Variants in CCDC158 observed in about 807,000 individuals in gnomAD.
CCDC158 encodes coiled-coil domain containing 158.
Under a neutral mutation model 138.6 loss-of-function variants are expected in CCDC158, and 116 were observed. That is an observed-to-expected ratio of 0.84 (90% CI 0.72 to 0.98). The LOEUF (loss-of-function observed/expected upper bound fraction) is 0.98, where lower values mean the gene tolerates loss of function less well. CCDC158 is among the 50% of genes least tolerant of loss of function. CCDC158 has a pLI of 0.00. For synonymous variants in CCDC158, 436 were observed against 442.4 expected, an observed-to-expected ratio of 0.99 and a Z score of 0.18; for missense variants, 1,265 against 1,306.1, an observed-to-expected ratio of 0.97 and a Z score of 0.48.
At chr4:76,321,764 T>TA (rs1560779944) in intron 24 of CCDC158, among the ~76,000 whole-genome samples, 3,728 of 146,046 alleles carry the variant, frequency 0.026, 154 homozygotes, top group African/African-American at 0.088. Flanking sequence ...TATATATTTT[T>TA]TATATATATA....
chr4:76,375,690 A>G (rs191302212), intron 9 of CCDC158: 10 of 696,096 alleles, frequency 1.4e-5, no homozygotes, highest in Admixed American at 8.2e-5. Context: ...GTAAAGGGGA[A>G]TTCTGGAGGT....
At chr4:76,322,483 G>A (rs1365681011) in intron 24 of CCDC158, among the ~76,000 whole-genome samples, 1 of 152,162 alleles carries the variant, frequency 6.6e-6, no homozygotes, top group East Asian at 1.9e-4. Flanking sequence ...CTGAGTAAAA[G>A]GCCTGGCACA....
At chr4:76,336,079 G>A (rs1013312997) in intron 18 of CCDC158, among the ~76,000 whole-genome samples, 1 of 150,690 alleles carries the variant, frequency 6.6e-6, no homozygotes, top group Non-Finnish European at 1.5e-5. Context: ...CTACTTGGGA[G>A]GCTGAGGCAG....
intron 2 of CCDC158, among the ~76,000 whole-genome samples, chr4:76,410,764 A>C (rs1729230262): frequency 6.6e-6 from 1 of 152,230 alleles, no homozygotes; most frequent in Non-Finnish European, 1.5e-5. Context: ...CATGTTGAAC[A>C]GTATTGTACT....
At position 76,367,389 on chromosome 4, in the gene CCDC158, C is replaced by A. The variant is rs765950265; in HGVS notation, c.1735G>T (p.Gly579Cys). 1.2e-6 allele frequency: 2 copies of A among 1,614,212 alleles called. No individual in the cohort carries two copies. The highest frequency in any genetic ancestry group is 2.2e-5 in the South Asian group (2 of 91,084). Residue 579 changes from glycine (G) to cysteine (C), a missense_variant, in exon 12 of 25, where the codon GGC (glycine) becomes TGC (cysteine). Transcript: ENST00000682701. ...GCTCCAGCAGTTCGTCCATGCTGGC[C>A]CACCAGCTGTGTCATGTTCTCAATC... ...QQIENMTQLV[G>C]QHGRTAGAMQ...
intron 18 of CCDC158, among the ~76,000 whole-genome samples, chr4:76,334,460 A>T (rs911544937): frequency 1.2e-4 from 18 of 152,342 alleles, no homozygotes; most frequent in African/African-American, 4.1e-4. Context: ...TAGTATGAAC[A>T]TCCTTACTAT....
At position 76,331,388 on chromosome 4, in the gene CCDC158, C is replaced by A. The variant is rs1237715940; in HGVS notation, c.2898G>T (p.Leu966Phe). The change falls in exon 21 of 25, where the codon TTG (leucine) becomes TTT (phenylalanine). Residue 966 changes from leucine (L) to phenylalanine (F), a missense_variant. By Grantham distance (22) the Leu-to-Phe change is conservative (BLOSUM62 0). Coordinates refer to ENST00000682701, the MANE Select transcript of CCDC158 (RefSeq NM_001394954.1). ...ATTTGCTTCCTTCAGTGGAGTCCCT[C>A]AACGAGTTGTTGCTTCTGTTGGTAG... ...SDMCHRSNNS[L>F]RDSTEGSKSS... is the part of the protein sequence containing the mutation. 1 of 1,613,840 alleles carries A rather than the reference C, an allele frequency of 6.2e-7. No homozygotes were observed. The highest frequency in any genetic ancestry group is 8.5e-7 in the Non-Finnish European group (1 of 1,179,868).
At chr4:76,322,624 A>G (rs1720131312) in intron 24 of CCDC158, among the ~76,000 whole-genome samples, 1 of 152,194 alleles carries the variant, frequency 6.6e-6, no homozygotes, top group African/African-American at 2.4e-5. Context: ...CTAGGGATAG[A>G]AAAGATGGCA....
chr4:76,369,306 TATTTTAGGAGCC>T, intron 11 of CCDC158, 108 bp downstream of exon 11: 1 of 803,452 alleles, frequency 1.2e-6, no homozygotes, highest in South Asian at 2.6e-5. Flanking sequence ...TCCATAGCTT[TATTTTAGGAGCC>T]ATTTTAGGTC....
chr4:76,392,262 A>G (rs1727381753), intron 4 of CCDC158, among the ~76,000 whole-genome samples: 1 of 152,094 alleles, frequency 6.6e-6, no homozygotes, highest in Non-Finnish European at 1.5e-5. Flanking sequence ...TACATTAAAA[A>G]GATCATATAT....
chr4:76,364,427 A>G (rs961826900), intron 12 of CCDC158, among the ~76,000 whole-genome samples: 18 of 152,216 alleles, frequency 1.2e-4, no homozygotes, highest in Admixed American at 3.3e-4. Context: ...GAATGTGGCC[A>G]AACTAAGTTA....
At chr4:76,370,952 T>C (rs1725176730) in intron 10 of CCDC158, among the ~76,000 whole-genome samples, 1 of 150,588 alleles carries the variant, frequency 6.6e-6, no homozygotes, top group Non-Finnish European at 1.5e-5. Flanking sequence ...ATTCCAAACA[T>C]TTCCTTTCCT....
chr4:76,321,764 T>A (rs866971777), intron 24 of CCDC158, among the ~76,000 whole-genome samples: 73 of 146,066 alleles, frequency 5.0e-4, no homozygotes, highest in East Asian at 2.9e-3. Context: ...TATATATTTT[T>A]TATATATATA....
intron 18 of CCDC158, among the ~76,000 whole-genome samples, chr4:76,340,064 C>T (rs1163228327): frequency 1.3e-5 from 2 of 152,188 alleles, no homozygotes; most frequent in Non-Finnish European, 2.9e-5. Flanking sequence ...GGTCACAAAA[C>T]TTGCTTACTT....
intron 4 of CCDC158, among the ~76,000 whole-genome samples, chr4:76,386,197 C>T (rs1421066865): frequency 1.3e-5 from 2 of 152,170 alleles, no homozygotes. Flanking sequence ...ATTCCCTAAC[C>T]CCTGCCATCC....
At position 76,384,419 on chromosome 4, in the gene CCDC158, T is replaced by G; in HGVS notation, c.399-4A>C. 6.3e-7 allele frequency: 1 copy of G among 1,598,576 alleles called. No individual in the cohort carries two copies. On this transcript the variant is annotated splice_polypyrimidine_tract_variant and splice_region_variant and intron_variant, in intron 5 of 24. Coordinates refer to ENST00000682701, the MANE Select transcript of CCDC158 (RefSeq NM_001394954.1). Reference sequence around the variant, plus strand: ...CTGGGACTGACTCTCCCTTCGTCTATGAAATAAATGAAAGAAAATAAATAA... The same window carrying G: ...CTGGGACTGACTCTCCCTTCGTCTAGGAAATAAATGAAAGAAAATAAATAA...
chr4:76,365,840 T>C (rs1489798514), intron 12 of CCDC158, among the ~76,000 whole-genome samples: 1 of 152,176 alleles, frequency 6.6e-6, no homozygotes, highest in African/African-American at 2.4e-5. Context: ...CAGCAGTCCA[T>C]GCTTTAAAAA....
chr4:76,336,360 G>A (rs1721507573), intron 18 of CCDC158, among the ~76,000 whole-genome samples: 1 of 151,986 alleles, frequency 6.6e-6, no homozygotes, highest in Non-Finnish European at 1.5e-5. Flanking sequence ...GACTTGATTT[G>A]ATCATCATTG....
At chr4:76,325,522 A>G (rs1720440553) in intron 23 of CCDC158, among the ~76,000 whole-genome samples, 2 of 152,250 alleles carry the variant, frequency 1.3e-5, no homozygotes, top group Non-Finnish European at 2.9e-5. Context: ...AATAAGAGCT[A>G]TGATTTCAAA....
Sources: gnomAD v4.1 joint callset for allele counts (sites outside exome capture counted in the v4.1 genomes callset) on GRCh38, gnomAD v4.1.1 for gene constraint, MANE v1.5 for transcripts, NCBI Gene and HGNC (gene_info 2026-07-23, HGNC 2026-07-21) for gene names.